Variants in SPATA16 observed in about 807,000 individuals in gnomAD.
SPATA16 encodes the protein spermatogenesis associated 16.
A neutral mutation model predicts 63.3 loss-of-function variants in SPATA16; 36 were observed. The observed-to-expected ratio is 0.57, with a 90% confidence interval of 0.44 to 0.75. SPATA16 has a LOEUF of 0.75. SPATA16 is among the 30% of genes least tolerant of loss of function. The pLI, the probability that SPATA16 is intolerant of heterozygous loss-of-function variation, is 0.00. For synonymous variants in SPATA16, 203 were observed against 216.7 expected (o/e 0.94, Z 0.56); for missense variants, 646 against 679.3 (o/e 0.95, Z 0.54).
intron 4 of SPATA16, among the ~76,000 whole-genome samples, chr3:172,997,676 T>C (rs1185946101): frequency 7.2e-5 from 11 of 152,148 alleles, no homozygotes; most frequent in South Asian, 2.1e-4. Flanking sequence ...TAAAAAGTCA[T>C]TATTATACCC....
At chr3:172,986,582 G>A (rs1285757680) in intron 4 of SPATA16, among the ~76,000 whole-genome samples, 1 of 152,162 alleles carries the variant, frequency 6.6e-6, no homozygotes, top group Non-Finnish European at 1.5e-5. Context: ...GGCATTCTAG[G>A]CTTAGCACAC....
At chr3:173,038,600 G>C (rs1342443371) in intron 3 of SPATA16, among the ~76,000 whole-genome samples, 1 of 152,036 alleles carries the variant, frequency 6.6e-6, no homozygotes, top group Non-Finnish European at 1.5e-5. Flanking sequence ...GCACGTAGAG[G>C]CAACAAATTG....
At chr3:172,913,636 T>A in intron 10 of SPATA16, 25 bp downstream of exon 10, 1 of 1,606,202 alleles carries the variant, frequency 6.2e-7, no homozygotes, top group Non-Finnish European at 8.5e-7. Context: ...ATAATAGATC[T>A]TTTTCCTTCA....
chr3:172,964,738 C>T (rs1431473774), intron 5 of SPATA16, among the ~76,000 whole-genome samples: 1 of 152,126 alleles, frequency 6.6e-6, no homozygotes, highest in Non-Finnish European at 1.5e-5. Flanking sequence ...TATGCCTTGC[C>T]AGTACACACA....
chr3:173,045,122 C>T (rs1406923765), intron 3 of SPATA16, among the ~76,000 whole-genome samples: 4 of 152,148 alleles, frequency 2.6e-5, no homozygotes, highest in Admixed American at 2.6e-4. Context: ...TAAGAACTTA[C>T]AGTAAATTCC....
intron 10 of SPATA16, among the ~76,000 whole-genome samples, chr3:172,896,800 T>TA (rs1489426341): frequency 6.6e-6 from 1 of 152,150 alleles, no homozygotes; most frequent in East Asian, 1.9e-4. Context: ...CTTTTTTTTT[T>TA]ACTCCTGAAT....
chr3:173,025,259 A>T (rs1735426554), intron 3 of SPATA16, among the ~76,000 whole-genome samples: 1 of 151,748 alleles, frequency 6.6e-6, no homozygotes, highest in Non-Finnish European at 1.5e-5. Context: ...TAAATTTTTA[A>T]TGATTTAAAT....
chr3:173,062,496 T>C (rs954747707), intron 2 of SPATA16, among the ~76,000 whole-genome samples: 3 of 152,228 alleles, frequency 2.0e-5, no homozygotes, highest in Admixed American at 1.3e-4. Flanking sequence ...TTATACATTG[T>C]ATCCCATTAA....
At chr3:173,058,192 T>A (rs925536694) in intron 2 of SPATA16, among the ~76,000 whole-genome samples, 1 of 152,106 alleles carries the variant, frequency 6.6e-6, no homozygotes, top group Admixed American at 6.5e-5. Context: ...TCTGAATATA[T>A]CATGAACATT....
intron 1 of SPATA16, among the ~76,000 whole-genome samples, chr3:173,124,121 C>T (rs751311209): frequency 7.2e-5 from 11 of 152,278 alleles, no homozygotes; most frequent in Non-Finnish European, 1.0e-4. Context: ...TGTACTTCGT[C>T]GTATCTCAAA....
chr3:173,113,813 G>T (rs1013365562), intron 2 of SPATA16, among the ~76,000 whole-genome samples: 4 of 151,866 alleles, frequency 2.6e-5, no homozygotes, highest in African/African-American at 9.7e-5. Context: ...CTTTTTTGTG[G>T]TCTCACCTTT....
chr3:173,101,312 T>C (rs1737488702), intron 2 of SPATA16, among the ~76,000 whole-genome samples: 1 of 152,130 alleles, frequency 6.6e-6, no homozygotes, highest in South Asian at 2.1e-4. Context: ...ATCTCTCCTC[T>C]CACTGCTGCT....
At position 172,930,108 on chromosome 3, in the gene SPATA16, C is replaced by T. The variant is rs570265296; in HGVS notation, c.1082-4616G>A. Among the ~76,000 whole-genome samples, 18 of 152,306 alleles carry T rather than the reference C, an allele frequency of 1.2e-4. No individual in the cohort carries two copies. The South Asian group carries it at 2.9e-3, about 25-fold the overall frequency. On this transcript the variant is annotated intron_variant, in intron 6 of 10. Coordinates refer to ENST00000351008, the MANE Select transcript of SPATA16 (RefSeq NM_031955.6). ...CTTGGCCAAATTTCTCATCACATAA[C>T]ATCTGGATTATTGAAGAGTTTCCCC... is the stretch of plus-strand genomic sequence containing the variant.
intron 2 of SPATA16, among the ~76,000 whole-genome samples, chr3:173,076,438 C>T (rs1038131239): frequency 2.0e-5 from 3 of 151,666 alleles, no homozygotes; most frequent in Non-Finnish European, 4.4e-5. Context: ...TATTTTTCCT[C>T]TAAGAATGCA....
At chr3:173,084,090 A>C (rs1050431603) in intron 2 of SPATA16, among the ~76,000 whole-genome samples, 1 of 152,176 alleles carries the variant, frequency 6.6e-6, no homozygotes, top group Non-Finnish European at 1.5e-5. Context: ...GTCTTCAAGG[A>C]ATCGTTACAC....
intron 6 of SPATA16, among the ~76,000 whole-genome samples, chr3:172,945,252 C>A (rs1314036549): frequency 6.6e-6 from 1 of 152,176 alleles, no homozygotes; most frequent in East Asian, 1.9e-4. Flanking sequence ...GACCAACCTT[C>A]TTTCTGAAGA....
In SPATA16 at chr3:172,957,675, A is replaced by G. The variant is rs956733885; in HGVS notation, c.934-851T>C. ...AAAACAATCCATTTTTATTTATAGG[A>G]ATGAAATTCTCCCAGACAACTAAGG... On this transcript the variant is annotated intron_variant, in intron 5 of 10. Transcript: ENST00000351008. Among the ~76,000 whole-genome samples the G allele has an allele frequency of 6.6e-5, 10 of 152,176 alleles. 1 individual carries two copies. The highest frequency in any genetic ancestry group is 1.2e-4 in the Non-Finnish European group (8 of 68,024).
At chr3:173,020,615 T>G (rs562825192) in intron 3 of SPATA16, among the ~76,000 whole-genome samples, 1 of 152,314 alleles carries the variant, frequency 6.6e-6, no homozygotes, top group South Asian at 2.1e-4. Flanking sequence ...CTTCTTCTCC[T>G]AGAGATAAAG....
intron 9 of SPATA16, 54 bp downstream of exon 9, chr3:172,916,263 A>G: frequency 6.3e-7 from 1 of 1,577,366 alleles, no homozygotes; most frequent in Non-Finnish European, 8.7e-7. Flanking sequence ...AGACCATATC[A>G]CTTTTCTGTT....
Sources: gnomAD v4.1 joint callset for allele counts (sites outside exome capture counted in the v4.1 genomes callset) on GRCh38, gnomAD v4.1.1 for gene constraint, MANE v1.5 for transcripts, NCBI Gene and HGNC (gene_info 2026-07-23, HGNC 2026-07-21) for gene names.